TTN: variants seen among roughly 807,000 people sequenced by gnomAD.
TTN encodes titin.
Under a neutral mutation model 3,223.0 loss-of-function variants are expected in TTN, and 1,525 were observed. The observed-to-expected ratio is 0.47, with a 90% CI of 0.45 to 0.49. The LOEUF is 0.49. Ranked by LOEUF, TTN falls within the 20% of genes least tolerant of loss-of-function variation. TTN has a pLI of 0.00. For synonymous variants in TTN, 14,094 were observed against 15,161.0 expected, an observed-to-expected ratio of 0.93 and a Z score of 5.17; for missense variants, 40,786 against 43,424.0, an observed-to-expected ratio of 0.94 and a Z score of 5.40.
intron 47 of TTN, among the ~76,000 whole-genome samples, chr2:178,743,973 G>T (rs2082971801): frequency 6.6e-6 from 1 of 151,856 alleles, no homozygotes; most frequent in South Asian, 2.1e-4. Flanking sequence ...AGGCCTGGCT[G>T]CTCTGCCTAT....
rs777730098 is a variant in TTN at position 178,537,625 on chromosome 2, C to T, written c.99582G>A (p.Pro33194=). Residue 33194 remains proline (P), a synonymous_variant, in exon 355 of 363, where the codon CCG becomes CCA. Transcript: ENST00000589042. The stretch of plus-strand genomic sequence containing the variant: ...TCAGTGGGTAACCAGGATGGAACTG[C>T]GGTGTTGCTTGCAGGAGAAGCTTAC... ...TSSKLLLQAT[P]QFHPGYPLKE... 48 of 1,613,566 alleles carry T rather than the reference C, an allele frequency of 3.0e-5. No homozygotes were observed. The Admixed American group carries it at 4.5e-4, about 15-fold the overall frequency.
In TTN at chr2:178,579,230, C is replaced by T; in HGVS notation, c.67800G>A (p.Glu22600=). The change falls in exon 320 of 363, where the codon GAG becomes GAA. Residue 22600 remains glutamate, a synonymous_variant. Coordinates refer to ENST00000589042, the MANE Select transcript of TTN (RefSeq NM_001267550.2). ...PLATDTRVSV[E]SSAVNTTLIV... ...TAAGAGTTGTGTTAACCGCAGATGA[C>T]TCAACACTGACTCTAGTGTCAGTTG... The T allele has an allele frequency of 1.9e-6, 3 of 1,613,504 alleles. No homozygotes were observed. Among genetic ancestry groups the T allele is most frequent in the Non-Finnish European group, 2.5e-6 (3 of 1,179,578 alleles).
At position 178,770,392 on chromosome 2, in the gene TTN, G is replaced by C. The variant is rs776904568; in HGVS notation, c.8380+20C>G. On this transcript the variant is annotated intron_variant, in intron 35 of 362. Transcript: ENST00000589042. ...TAACCATGGGCTGACTGCTTGAAAA[G>C]TGTTTCTAAATCAACTTACTCTCCA... 6.2e-7 allele frequency: 1 copy of C among 1,614,142 alleles called. No homozygotes were observed. The highest frequency in any genetic ancestry group is 1.7e-5 in the Admixed American group (1 of 60,008).
Position 178,710,852 on chromosome 2 carries a change from G to T in TTN, c.28245C>A (p.Asp9415Glu), listed in dbSNP as rs2076551495. 6.2e-7 allele frequency: 1 copy of T among 1,613,768 alleles called. No homozygotes were observed. Among genetic ancestry groups the T allele is most frequent in the African/African-American group, 1.3e-5 (1 of 74,914 alleles). Residue 9415 changes from aspartate to glutamate, a missense_variant, in exon 98 of 363, where the codon GAC (aspartate) becomes GAA (glutamate). By Grantham distance (45) the Asp-to-Glu change is conservative. Transcript: ENST00000589042. ...GTGTGCCCGTGACGTGGCACTCAAA[G>T]TCAGCACTTTCTCCCACCACAGCAT... is the stretch of plus-strand genomic sequence containing the variant. ...PVDAVVGESA[D>E]FECHVTGTQP...
intron 147 of TTN, 130 bp from the exon 148 acceptor site, chr2:178,676,125 A>G: frequency 1.3e-6 from 1 of 744,632 alleles, no homozygotes; most frequent in Non-Finnish European, 2.1e-6. Context: ...GTTAGTTGGG[A>G]GCCCAGATAT....
rs749914062 is a variant in TTN, at chr2:178,567,830, T to G, written c.78302A>C (p.Lys26101Thr). 7.4e-6 allele frequency: 12 copies of G among 1,613,416 alleles called. No homozygotes were observed. The highest frequency in any genetic ancestry group is 8.5e-6 in the Non-Finnish European group (10 of 1,179,598). Residue 26101 changes from lysine (K) to threonine (T), a missense_variant, in exon 326 of 363, where the codon AAA becomes ACA. Lys to Thr is a moderately conservative substitution (Grantham distance 78, BLOSUM62 -1). Transcript: ENST00000589042. The stretch of plus-strand genomic sequence containing the variant: ...CCACTGTAAAGTGATTTCATTTCTT[T>G]TAACCATTATTGGTTCTGGGGTTCC... ...PPGTPEPIMV[K>T]RNEITLQWTK... is the part of the protein sequence containing the mutation.
At chr2:178,667,575 T>C (rs760048143) in intron 160 of TTN, 50 bp from the exon 161 acceptor site, 2 of 1,581,568 alleles carry the variant, frequency 1.3e-6, no homozygotes, top group Non-Finnish European at 1.7e-6. Context: ...AGAAAAATAT[T>C]GAGCTTTTTA....
Position 178,776,263 on chromosome 2 carries a change from G to A in TTN, c.5601C>T (p.Tyr1867=). ...GGTACCAGTTGACTTTGGGCTGAGG[G>A]TAGCCTGTTACCCTGCAGCGGAACC... The part of the protein sequence containing the change: ...TARFRCRVTG[Y]PQPKVNWYLN... The change falls in exon 28 of 363, where the codon TAC becomes TAT. Residue 1867 remains tyrosine (Y), a synonymous_variant. Coordinates refer to ENST00000589042, the MANE Select transcript of TTN (RefSeq NM_001267550.2). 1 of 1,614,116 alleles carries A rather than the reference G, an allele frequency of 6.2e-7. No individual in the cohort carries two copies.
In TTN at chr2:178,710,944, A is replaced by G. The variant is rs548288119; in HGVS notation, c.28175-22T>C. The G allele has an allele frequency of 1.3e-5, 21 of 1,600,826 alleles. No individual in the cohort carries two copies. In the East Asian group the frequency reaches 1.8e-4, roughly 14 times the overall value. On this transcript the variant is annotated intron_variant, in intron 97 of 362. Coordinates refer to ENST00000589042, the MANE Select transcript of TTN (RefSeq NM_001267550.2). ...CCCTCTAATAGTAGAGCAGAAAGAC[A>G]AGGTTTCAGGCTCAATATCTGGACC...
Position 178,622,653 on chromosome 2 carries a change from G to A in TTN, c.44913+17C>T. The stretch of plus-strand genomic sequence containing the variant: ...AGTTATTTGACAGTACAAGATGACA[G>A]GTATACAGTCACAGACCTTAGCATT... On this transcript the variant is annotated intron_variant, in intron 243 of 362. Coordinates refer to ENST00000589042, the MANE Select transcript of TTN (RefSeq NM_001267550.2). 6.3e-7 allele frequency: 1 copy of A among 1,582,510 alleles called. No homozygotes were observed. Among genetic ancestry groups the A allele is most frequent in the Non-Finnish European group, 8.6e-7 (1 of 1,158,766 alleles).
intron 6 of TTN, among the ~76,000 whole-genome samples, chr2:178,797,885 AT>A (rs1405321280): frequency 1.3e-5 from 2 of 150,342 alleles, no homozygotes; most frequent in Non-Finnish European, 3.0e-5. Flanking sequence ...TTTTTTTTTC[AT>A]TTTTTAACTA....
At position 178,549,352 on chromosome 2, in the gene TTN, T is replaced by G; in HGVS notation, c.92274A>C (p.Arg30758Ser). 6.2e-7 allele frequency: 1 copy of G among 1,613,906 alleles called. No individual in the cohort carries two copies. Among genetic ancestry groups the G allele is most frequent in the Non-Finnish European group, 8.5e-7 (1 of 1,179,826 alleles). ...CCCATCTTGTGCTTTTCTTTTCTCT[T>G]CTTTCAAGGATATACTGTTGAATTT... ...GSEIQQYILERREKKSTRWVK... is the reference protein window; with the variant it reads ...GSEIQQYILESREKKSTRWVK... The change falls in exon 339 of 363, where the codon AGA becomes AGC. Residue 30758 changes from arginine to serine, a missense_variant. Transcript: ENST00000589042.
rs1447507348 is a variant in TTN, at chr2:178,782,945, A to C, written c.2961T>G (p.Ile987Met). 1.2e-6 allele frequency: 2 copies of C among 1,614,032 alleles called. No homozygotes were observed. The highest frequency in any genetic ancestry group is 1.7e-6 in the Non-Finnish European group (2 of 1,180,010). Residue 987 changes from isoleucine to methionine, a missense_variant, in exon 18 of 363, where the codon ATT becomes ATG. Physicochemically the swap from Ile to Met is conservative, Grantham distance 10 (BLOSUM62 1). Coordinates refer to ENST00000589042, the MANE Select transcript of TTN (RefSeq NM_001267550.2). ...CACTCTGGAAGGTTATCTGGAAGTCAATGGAACTTTCGATTTGGTAGTCTT... is the reference window on the plus strand; with the variant it reads ...CACTCTGGAAGGTTATCTGGAAGTCCATGGAACTTTCGATTTGGTAGTCTT... ...YREDYQIESSIDFQITFQSGI... is the reference protein window; with the variant it reads ...YREDYQIESSMDFQITFQSGI...
intron 221 of TTN, among the ~76,000 whole-genome samples, chr2:178,640,313 GT>G (rs1487405129): frequency 1.3e-5 from 2 of 151,814 alleles, no homozygotes; most frequent in Admixed American, 1.3e-4. Context: ...TTTTAATGTT[GT>G]TATTTATCTC....
At chr2:178,669,548 T>C (rs775878993) in intron 158 of TTN, 44 bp downstream of exon 158, 1 of 1,608,102 alleles carries the variant, frequency 6.2e-7, no homozygotes, top group Non-Finnish European at 8.5e-7. Flanking sequence ...CATGAAAAAC[T>C]AAACCAAGAA....
chr2:178,620,528 T>A lies in TTN; in HGVS notation c.45993A>T (p.Thr15331=), dbSNP rs749043725. 1.7e-5 allele frequency: 27 copies of A among 1,612,228 alleles called. No homozygotes were observed. The highest frequency in any genetic ancestry group is 2.2e-5 in the Non-Finnish European group (26 of 1,178,968). Residue 15331 remains threonine (T), a synonymous_variant, in exon 248 of 363, where the codon ACA becomes ACT. Coordinates refer to ENST00000589042, the MANE Select transcript of TTN (RefSeq NM_001267550.2). The stretch of plus-strand genomic sequence containing the variant: ...CTTCACCATTTTTGGTCCACTTCAG[T>A]GTTACATTGAGACGATTCACCTTGC... ...FWCKVNRLNV[T]LKWTKNGEEV... is the part of the protein sequence containing the mutation.
chr2:178,783,102 C>G (rs1273555660), intron 17 of TTN, 38 bp from the exon 18 acceptor site: 14 of 1,603,206 alleles, frequency 8.7e-6, no homozygotes, highest in Non-Finnish European at 1.2e-5. Context: ...GATACGTGTG[C>G]ATATTCATTA....
At chr2:178,758,428 A>T (rs780536055) in intron 44 of TTN, among the ~76,000 whole-genome samples, 1 of 152,198 alleles carries the variant, frequency 6.6e-6, no homozygotes, top group Non-Finnish European at 1.5e-5. Flanking sequence ...TTACTGAGGA[A>T]GTGTTTCTGA....
In TTN at chr2:178,624,470, A is replaced by G. The variant is rs1216100975; in HGVS notation, c.44810T>C (p.Val14937Ala). 1 of 1,612,398 alleles carries G rather than the reference A, an allele frequency of 6.2e-7. No homozygotes were observed. The highest frequency in any genetic ancestry group is 8.5e-7 in the Non-Finnish European group (1 of 1,178,904). ...KDFKTSCNLN[V>A]VPPHVEFLRP... is the part of the protein sequence containing the mutation. Reference sequence around the variant, plus strand: ...TTTGTAAGAAGAATACTTACGCACGACATTCAGGTTACAGGAAGTCTTAAA... The same window carrying G: ...TTTGTAAGAAGAATACTTACGCACGGCATTCAGGTTACAGGAAGTCTTAAA... Residue 14937 changes from valine (V) to alanine (A), a missense_variant, in exon 242 of 363, where the codon GTC becomes GCC. Coordinates refer to ENST00000589042, the MANE Select transcript of TTN (RefSeq NM_001267550.2).
Sources: gnomAD v4.1 joint callset for allele counts (sites outside exome capture counted in the v4.1 genomes callset) on GRCh38, gnomAD v4.1.1 for gene constraint, MANE v1.5 for transcripts, NCBI Gene and HGNC (gene_info 2026-07-23, HGNC 2026-07-21) for gene names.